SV2B: variants seen among roughly 807,000 people sequenced by gnomAD.
SV2B encodes the protein synaptic vesicle glycoprotein 2B, also known as solute carrier family 22 member B2.
SV2B carries 41 observed loss-of-function variants against 73.9 expected under a neutral mutation model. The observed-to-expected ratio is 0.56, with a 90% CI of 0.43 to 0.72. SV2B has a LOEUF of 0.72. Ranked by LOEUF, SV2B falls within the 30% of genes least tolerant of loss-of-function variation. SV2B has a pLI of 0.00. For synonymous variants in SV2B, 314 were observed against 314.2 expected (o/e 1.00, Z 0.01); for missense variants, 764 against 857.8 (o/e 0.89, Z 1.37).
chr15:91,162,892 G>T (rs2043773318), intron 1 of SV2B, among the ~76,000 whole-genome samples: 1 of 152,044 alleles, frequency 6.6e-6, no homozygotes, highest in South Asian at 2.1e-4. Flanking sequence ...TTTACATTAG[G>T]TATATCTCCT....
chr15:91,138,432 G>C (rs937436193), intron 1 of SV2B, among the ~76,000 whole-genome samples: 5 of 152,174 alleles, frequency 3.3e-5, no homozygotes, highest in African/African-American at 1.2e-4. Flanking sequence ...ATCAATTTAT[G>C]GGAGACACAG....
At position 91,299,071 on chromosome 15, in the gene SV2B, C is replaced by A. The variant is rs1567038953; in HGVS notation, c.*6519C>A. The A allele has an allele frequency of 6.6e-6, 1 of 152,110 alleles. No individual in the cohort carries two copies. The highest frequency in any genetic ancestry group is 1.5e-5 in the Non-Finnish European group (1 of 68,022). The allele number at this position is 152,110 out of a possible 1,614,324, so 9.4% of individuals were successfully genotyped here. A position where few individuals can be genotyped will look rare whatever the true frequency, so the allele number is the denominator to read the frequency against. ...TGAGCTAAATAGCTTGATTTAGTCA[C>A]TCTAAAATGTGGGTGTGTATATATA... On this transcript the variant is annotated 3_prime_UTR_variant, in exon 13 of 13. Coordinates refer to ENST00000394232, the MANE Select transcript of SV2B (RefSeq NM_001323032.3).
In SV2B at chr15:91,280,479, T is replaced by A. The variant is rs1044905242; in HGVS notation, c.1374-1249T>A. 3.3e-5 allele frequency among the ~76,000 whole-genome samples: 5 copies of A among 152,326 alleles called. No individual in the cohort carries two copies. The highest frequency in any genetic ancestry group is 6.8e-3 in the Middle Eastern group (2 of 294). ...TGCTCAGTGTTTGCAGAAGACTAAA[T>A]ATGTAAGTGAATGAATAGAAGAATG... On this transcript the variant is annotated intron_variant, in intron 9 of 12. Coordinates refer to ENST00000394232, the MANE Select transcript of SV2B (RefSeq NM_001323032.3). The surrounding 1 kb of genome is among the most constrained non-coding windows in gnomAD (Gnocchi z 5.8).
chr15:91,153,692 G>A (rs2043389803), intron 1 of SV2B, among the ~76,000 whole-genome samples: 2 of 152,140 alleles, frequency 1.3e-5, no homozygotes, highest in African/African-American at 4.8e-5. Context: ...GGTCACAAAG[G>A]ATGTCCATCC....
chr15:91,259,061 A>T (rs2047812396), intron 5 of SV2B, among the ~76,000 whole-genome samples: 1 of 151,898 alleles, frequency 6.6e-6, no homozygotes, highest in Non-Finnish European at 1.5e-5. Context: ...GTGTCACTGC[A>T]CTCCAGTCTG....
At chr15:91,195,806 AGC>A (rs1253083997) in intron 1 of SV2B, among the ~76,000 whole-genome samples, 1 of 152,224 alleles carries the variant, frequency 6.6e-6, no homozygotes. Context: ...CAGCTAACAT[AGC>A]ACAGAGCCTG....
chr15:91,111,371 G>C lies in SV2B; in HGVS notation c.-392+11008G>C, dbSNP rs142556504. On this transcript the variant is annotated intron_variant, in intron 1 of 12. Coordinates refer to ENST00000394232, the MANE Select transcript of SV2B (RefSeq NM_001323032.3). ...GTTCTTTGAGATGGTGCAGGGCAAAGAGCCCCAGAGCCTGTCAGCTCAGAG... is the reference window on the plus strand; with the variant it reads ...GTTCTTTGAGATGGTGCAGGGCAAACAGCCCCAGAGCCTGTCAGCTCAGAG... Among the ~76,000 whole-genome samples the C allele has an allele frequency of 2.7e-3, 410 of 152,328 alleles. 4 individuals are homozygous for C. Among genetic ancestry groups the C allele is most frequent in the Non-Finnish European group, 3.7e-3 (250 of 68,042 alleles).
At chr15:91,117,505 C>T (rs893333041) in intron 1 of SV2B, among the ~76,000 whole-genome samples, 7 of 152,192 alleles carry the variant, frequency 4.6e-5, no homozygotes, top group African/African-American at 1.4e-4. Context: ...ATTGGCTCTC[C>T]TTCATGCTGT....
At chr15:91,202,856 C>T (rs1241832663) in intron 1 of SV2B, among the ~76,000 whole-genome samples, 1 of 152,054 alleles carries the variant, frequency 6.6e-6, no homozygotes, top group East Asian at 1.9e-4. Flanking sequence ...CTTCAGGCTG[C>T]TCTGGGAAGA....
chr15:91,178,213 GA>G (rs1241922325), intron 1 of SV2B, among the ~76,000 whole-genome samples: 3 of 151,642 alleles, frequency 2.0e-5, no homozygotes, highest in Non-Finnish European at 2.9e-5. Context: ...TGTGTATGTT[GA>G]ACCAGCCTTG....
Position 91,267,694 on chromosome 15 carries a change from C to A in SV2B, c.1208+51C>A. ...GTAATTCCCTGTGCCTCAGTGGCCT[C>A]CTTTACACATTGAGGATTACAGTGA... On this transcript the variant is annotated intron_variant, in intron 8 of 12. Transcript: ENST00000394232. This position sits in a 1 kb window ranked among gnomAD's most constrained non-coding sequence, Gnocchi z 4.3. The A allele has an allele frequency of 7.3e-7, 1 of 1,370,638 alleles. No individual in the cohort carries two copies. The highest frequency in any genetic ancestry group is 1.0e-6 in the Non-Finnish European group (1 of 972,708). 84.9% of individuals were successfully genotyped at this position (1,370,638 alleles called of 1,614,324 possible).
chr15:91,193,004 A>G (rs2045098719), intron 1 of SV2B, among the ~76,000 whole-genome samples: 1 of 152,216 alleles, frequency 6.6e-6, no homozygotes, highest in Non-Finnish European at 1.5e-5. Context: ...CTCTGAAATG[A>G]AAAAAAGAGA....
intron 1 of SV2B, among the ~76,000 whole-genome samples, chr15:91,158,007 T>G (rs2043548969): frequency 6.6e-6 from 1 of 152,162 alleles, no homozygotes; most frequent in African/African-American, 2.4e-5. Context: ...TGAGTCCCCA[T>G]TTTGTTCTGA....
chr15:91,171,466 G>A (rs970371122), intron 1 of SV2B, among the ~76,000 whole-genome samples: 1 of 152,092 alleles, frequency 6.6e-6, no homozygotes, highest in Non-Finnish European at 1.5e-5. Flanking sequence ...CTGCTGCTGC[G>A]GTGGCTCTGG....
chr15:91,165,760 A>T (rs1054268080), intron 1 of SV2B, among the ~76,000 whole-genome samples: 2 of 152,184 alleles, frequency 1.3e-5, no homozygotes, highest in African/African-American at 4.8e-5. Flanking sequence ...CCAAATTTCA[A>T]CAGTCATACA....
In SV2B at chr15:91,261,308, A is replaced by G. The variant is rs371499096; in HGVS notation, c.1008+899A>G. Among the ~76,000 whole-genome samples, 1 of 152,312 alleles carries G rather than the reference A, an allele frequency of 6.6e-6. No individual in the cohort carries two copies. Among genetic ancestry groups the G allele is most frequent in the East Asian group, 1.9e-4 (1 of 5,192 alleles). ...TAAACAGATTTCTCTGGGGATAAGC[A>G]TATGTATGTATATTTATGTGTACAT... On this transcript the variant is annotated intron_variant, in intron 6 of 12. Transcript: ENST00000394232. This position sits in a 1 kb window ranked among gnomAD's most constrained non-coding sequence, Gnocchi z 4.7.
rs1596398480 is a variant in SV2B at position 91,100,749 on chromosome 15, A to C, written c.-392+386A>C. On this transcript the variant is annotated intron_variant, in intron 1 of 12. Coordinates refer to ENST00000394232, the MANE Select transcript of SV2B (RefSeq NM_001323032.3). This position sits in a 1 kb window ranked among gnomAD's most constrained non-coding sequence, Gnocchi z 6.4. The stretch of plus-strand genomic sequence containing the variant: ...TACATTCTAGTAGATAGATTTTGTT[A>C]TTGTTGTTGGCTTGTTCTTAAAGAA... 2.0e-5 allele frequency among the ~76,000 whole-genome samples: 3 copies of C among 152,200 alleles called. 1 individual carries two copies. The East Asian group carries it at 5.8e-4, about 29-fold the overall frequency.
chr15:91,203,283 ATG>A (rs2045523802), intron 1 of SV2B, among the ~76,000 whole-genome samples: 1 of 152,316 alleles, frequency 6.6e-6, no homozygotes, highest in African/African-American at 2.4e-5. Flanking sequence ...CACAGGTTCT[ATG>A]CCATCCCCTG....
At chr15:91,207,646 T>A (rs2045693287) in intron 1 of SV2B, among the ~76,000 whole-genome samples, 2 of 152,158 alleles carry the variant, frequency 1.3e-5, no homozygotes, top group Non-Finnish European at 2.9e-5. Flanking sequence ...AAAGACAGAA[T>A]AACAAAATAA....
Sources: gnomAD v4.1 joint callset for allele counts (sites outside exome capture counted in the v4.1 genomes callset) on GRCh38, gnomAD v4.1.1 for gene constraint, Gnocchi (gnomAD v3.1) non-coding constraint, MANE v1.5 for transcripts, NCBI Gene and HGNC (gene_info 2026-07-23, HGNC 2026-07-21) for gene names.